UNC13A: variants seen among roughly 807,000 people sequenced by gnomAD.
The protein encoded by UNC13A is unc-13 homolog A.
UNC13A carries 61 observed loss-of-function variants against 219.7 expected under a neutral mutation model. The observed-to-expected ratio is 0.28, with a 90% confidence interval of 0.23 to 0.34. The LOEUF (loss-of-function observed/expected upper bound fraction) is 0.34. Ranked by LOEUF, UNC13A falls within the 10% of genes least tolerant of loss-of-function variation. UNC13A has a pLI of 1.00. For missense variants in UNC13A, 1,476 were observed against 2,270.3 expected, an observed-to-expected ratio of 0.65 and a Z score of 7.11; for synonymous variants, 920 against 884.6, an observed-to-expected ratio of 1.04 and a Z score of -0.71.
At chr19:17,653,474 A>G (rs2079390596) in intron 11 of UNC13A, among the ~76,000 whole-genome samples, 1 of 151,652 alleles carries the variant, frequency 6.6e-6, no homozygotes, top group Admixed American at 6.6e-5. Flanking sequence ...CAGCCTTCCT[A>G]GTAGCTGGGA....
At chr19:17,654,139 T>C (rs1319808865) in intron 11 of UNC13A, among the ~76,000 whole-genome samples, 1 of 152,210 alleles carries the variant, frequency 6.6e-6, no homozygotes, top group Admixed American at 6.5e-5. Flanking sequence ...CACTTCTCCT[T>C]AAGTGTCATC....
chr19:17,675,203 G>GCA (rs2079873815), intron 2 of UNC13A, among the ~76,000 whole-genome samples: 1 of 151,924 alleles, frequency 6.6e-6, no homozygotes, highest in Non-Finnish European at 1.5e-5. Flanking sequence ...GTGCAGTGGT[G>GCA]CACGCCTGTG....
Position 17,649,289 on chromosome 19 carries a change from G to C in UNC13A, c.1524+50C>G. On this transcript the variant is annotated intron_variant, in intron 14 of 43. Transcript: ENST00000519716. The surrounding 1 kb of genome is among the most constrained non-coding windows in gnomAD (Gnocchi z 4.4). ...TGGGGGCCTGTTAGAAGATCCCAGT[G>C]GGGGAGTTTGGGGAGAAGATCCCAA... 4 of 1,552,158 alleles carry C rather than the reference G, an allele frequency of 2.6e-6. No homozygotes were observed. The highest frequency in any genetic ancestry group is 2.6e-6 in the Non-Finnish European group (3 of 1,155,286).
chr19:17,614,914 T>C (rs1276168812), intron 41 of UNC13A, among the ~76,000 whole-genome samples: 1 of 151,962 alleles, frequency 6.6e-6, no homozygotes, highest in African/African-American at 2.4e-5. Context: ...TGGACAGTGG[T>C]GGGTCAGGTG....
At chr19:17,638,868 G>A (rs1056123147) in intron 25 of UNC13A, among the ~76,000 whole-genome samples, 1 of 151,854 alleles carries the variant, frequency 6.6e-6, no homozygotes, top group Non-Finnish European at 1.5e-5. Flanking sequence ...ACTCAACTAC[G>A]CAACCAAATG....
chr19:17,659,304 G>A (rs1190154381), intron 8 of UNC13A, among the ~76,000 whole-genome samples: 1 of 151,714 alleles, frequency 6.6e-6, no homozygotes, highest in Non-Finnish European at 1.5e-5. Context: ...TTAGCCAGGT[G>A]TGGTGGCATG....
chr19:17,616,516 G>A (rs938016447), intron 41 of UNC13A: 4 of 662,276 alleles, frequency 6.0e-6, no homozygotes, highest in Non-Finnish European at 8.3e-6. Context: ...CATGGGGAGC[G>A]GGGAGAGACG....
chr19:17,608,796 G>GCA (rs2076569159), intron 43 of UNC13A, among the ~76,000 whole-genome samples: 1 of 151,936 alleles, frequency 6.6e-6, no homozygotes, highest in Non-Finnish European at 1.5e-5. Flanking sequence ...GATTACAGGT[G>GCA]TGAGCCACCA....
rs138531903 is a variant in UNC13A at position 17,685,004 on chromosome 19, C to G, written c.22+3174G>C. ...ATGCACTTGTGTGCAATGAAATACT[C>G]AAATGTGTATTTACTTGTATGCATC... is the stretch of plus-strand genomic sequence containing the variant. On this transcript the variant is annotated intron_variant, in intron 1 of 43. Coordinates refer to ENST00000519716, the MANE Select transcript of UNC13A (RefSeq NM_001080421.3). Among the ~76,000 whole-genome samples, 855 of 152,212 alleles carry G rather than the reference C, an allele frequency of 5.6e-3. 5 individuals are homozygous for G. The highest frequency in any genetic ancestry group is 0.041 in the Middle Eastern group (12 of 294).
At chr19:17,642,716 G>A (rs1382231789) in intron 20 of UNC13A, 129 bp downstream of exon 20, 1 of 764,732 alleles carries the variant, frequency 1.3e-6, no homozygotes, top group Non-Finnish European at 2.1e-6. Context: ...TCCAGGTAAA[G>A]GGAATGGCAT....
intron 8 of UNC13A, among the ~76,000 whole-genome samples, chr19:17,658,646 G>A (rs1030539570): frequency 6.6e-6 from 1 of 152,166 alleles, no homozygotes; most frequent in African/African-American, 2.4e-5. Flanking sequence ...CATAACAGGA[G>A]TCACACAGAC....
At chr19:17,672,666 T>C (rs983335635) in intron 3 of UNC13A, among the ~76,000 whole-genome samples, 171 bp from the exon 4 acceptor site, 3 of 152,022 alleles carry the variant, frequency 2.0e-5, no homozygotes, top group Admixed American at 2.0e-4. Flanking sequence ...GAGGGGAAAC[T>C]GAGGCCAGTG....
chr19:17,680,884 C>CTTTTT (rs2079997096), intron 1 of UNC13A, among the ~76,000 whole-genome samples: 11 of 69,498 alleles, frequency 1.6e-4, no homozygotes, highest in African/African-American at 3.6e-4. Flanking sequence ...TTTTTCTTTT[C>CTTTTT]TTTTCTTTTT....
At chr19:17,636,514 A>G (rs76245072) in intron 25 of UNC13A, among the ~76,000 whole-genome samples, 2,697 of 152,324 alleles carry the variant, frequency 0.018, 97 homozygotes, top group African/African-American at 0.062. Flanking sequence ...AGTTAAATCA[A>G]TGGAACTGAA....
In UNC13A at chr19:17,686,034, T is replaced by C. The variant is rs999335059; in HGVS notation, c.22+2144A>G. ...CCCACCCCTCCCTGCCTCCTACTCC[T>C]CCTCACTCCAACCTCACACCTCCCT... On this transcript the variant is annotated intron_variant, in intron 1 of 43. Coordinates refer to ENST00000519716, the MANE Select transcript of UNC13A (RefSeq NM_001080421.3). Among the ~76,000 whole-genome samples the C allele has an allele frequency of 1.5e-4, 21 of 143,374 alleles. 1 individual carries two copies. Among genetic ancestry groups the C allele is most frequent in the Admixed American group, 1.4e-3 (19 of 13,888 alleles). The allele number at this position is 143,374 out of a possible 152,430, so 94.1% of individuals were successfully genotyped here.
At position 17,624,818 on chromosome 19, in the gene UNC13A, G is replaced by A; in HGVS notation, c.4197+11C>T. The A allele has an allele frequency of 6.2e-7, 1 of 1,611,320 alleles. No homozygotes were observed. Among genetic ancestry groups the A allele is most frequent in the Non-Finnish European group, 8.5e-7 (1 of 1,178,376 alleles). On this transcript the variant is annotated intron_variant, in intron 35 of 43. Coordinates refer to ENST00000519716, the MANE Select transcript of UNC13A (RefSeq NM_001080421.3). ...GCCTAAATGTCCCCTCGGGCCCCCT[G>A]CAGGTCTCACCGTCTGGTCAGTGAG...
intron 3 of UNC13A, among the ~76,000 whole-genome samples, chr19:17,673,592 C>G (rs1002441931): frequency 3.3e-5 from 5 of 151,278 alleles, no homozygotes; most frequent in African/African-American, 1.2e-4. Context: ...ACTCGGGAGG[C>G]TAAGGCAGGA....
In UNC13A at chr19:17,674,673, C is replaced by G; in HGVS notation, c.136G>C (p.Glu46Gln). 1 of 1,613,874 alleles carries G rather than the reference C, an allele frequency of 6.2e-7. No individual in the cohort carries two copies. The highest frequency in any genetic ancestry group is 8.5e-7 in the Non-Finnish European group (1 of 1,179,858). Residue 46 changes from glutamate (E) to glutamine (Q), a missense_variant, in exon 3 of 44, where the codon GAG (glutamate) becomes CAG (glutamine). By Grantham distance (29) the Glu-to-Gln change is conservative (BLOSUM62 2). Coordinates refer to ENST00000519716, the MANE Select transcript of UNC13A (RefSeq NM_001080421.3). This position sits in a 1 kb window ranked among gnomAD's most constrained non-coding sequence, Gnocchi z 5.0. ...IAVRGSQPSWEQDFMFEINRL... is the reference protein window; with the variant it reads ...IAVRGSQPSWQQDFMFEINRL... ...CAGACTCACAACATGAAATCCTGCT[C>G]CCAGCTGGGCTGGCTGCCCCGCACC...
rs149336748 is a variant in UNC13A, at chr19:17,614,958, G to C, written c.4558+2744C>G. On this transcript the variant is annotated intron_variant, in intron 41 of 43. Coordinates refer to ENST00000519716, the MANE Select transcript of UNC13A (RefSeq NM_001080421.3). ...GACCAAGGCCAAAGCTAGTAAGAAG[G>C]GGGGAGGGAGGCAGTGCTGGGTGCC... 9.8e-3 allele frequency among the ~76,000 whole-genome samples: 1,494 copies of C among 152,264 alleles called. 20 individuals are homozygous for C. Among genetic ancestry groups the C allele is most frequent in the African/African-American group, 0.034 (1,420 of 41,552 alleles).
Sources: gnomAD v4.1 joint callset for allele counts (sites outside exome capture counted in the v4.1 genomes callset) on GRCh38, gnomAD v4.1.1 for gene constraint, Gnocchi (gnomAD v3.1) non-coding constraint, MANE v1.5 for transcripts, NCBI Gene and HGNC (gene_info 2026-07-23, HGNC 2026-07-21) for gene names.